DCLK2: variants seen among roughly 807,000 people sequenced by gnomAD.
The protein encoded by DCLK2 is serine/threonine-protein kinase DCLK2.
In DCLK2, 31 loss-of-function variants were observed where a neutral mutation model predicts 78.4. That is an observed-to-expected ratio of 0.40 (90% confidence interval 0.30 to 0.53). The LOEUF (loss-of-function observed/expected upper bound fraction) is 0.53. DCLK2 is among the 20% of genes least tolerant of loss of function. The pLI, the probability that DCLK2 is intolerant of heterozygous loss-of-function variation, is 0.61. For missense variants in DCLK2, 872 were observed against 973.7 expected (o/e 0.90, Z 1.39); for synonymous variants, 407 against 374.9 (o/e 1.09, Z -0.99).
intron 2 of DCLK2, 144 bp from the exon 3 acceptor site, chr4:150,192,994 A>G: frequency 1.9e-6 from 1 of 530,158 alleles, no homozygotes. Context: ...GTGAAGGTAA[A>G]GTGCTTAGAA....
chr4:150,222,501 A>G (rs1447280740), intron 7 of DCLK2, among the ~76,000 whole-genome samples: 2 of 152,090 alleles, frequency 1.3e-5, no homozygotes, highest in Non-Finnish European at 2.9e-5. Context: ...TTAATACTTA[A>G]TGGAATATTC....
intron 10 of DCLK2, among the ~76,000 whole-genome samples, chr4:150,233,945 C>A (rs190155474): frequency 6.7e-4 from 102 of 152,296 alleles, no homozygotes; most frequent in African/African-American, 2.3e-3. Context: ...CCCAGCCCCC[C>A]ACAAACACAC....
chr4:150,093,951 C>T (rs932705662), intron 1 of DCLK2, among the ~76,000 whole-genome samples: 4 of 152,138 alleles, frequency 2.6e-5, no homozygotes, highest in African/African-American at 7.2e-5. Context: ...GCCAAGAATA[C>T]ACAATGGGGA....
chr4:150,119,281 A>G (rs537450818), intron 2 of DCLK2, among the ~76,000 whole-genome samples: 2 of 152,002 alleles, frequency 1.3e-5, no homozygotes, highest in Non-Finnish European at 2.9e-5. Flanking sequence ...GGGTGTTTTT[A>G]GTTTTTCCTT....
At chr4:150,235,428 T>G (rs1742421712) in intron 10 of DCLK2, among the ~76,000 whole-genome samples, 1 of 152,290 alleles carries the variant, frequency 6.6e-6, no homozygotes, top group East Asian at 1.9e-4. Flanking sequence ...AGTCTCAGAA[T>G]GCAATCAGGA....
At chr4:150,114,998 T>C (rs963924948) in intron 2 of DCLK2, among the ~76,000 whole-genome samples, 1 of 152,236 alleles carries the variant, frequency 6.6e-6, no homozygotes, top group Admixed American at 6.5e-5. Flanking sequence ...CCTTTTTGCT[T>C]TCTCTTCTCC....
At chr4:150,247,742 G>T (rs769637952) in intron 13 of DCLK2, 43 bp downstream of exon 13, 1 of 1,535,842 alleles carries the variant, frequency 6.5e-7, no homozygotes, top group Admixed American at 1.7e-5. Context: ...TACGTTGTGG[G>T]GTCCTCACCC....
chr4:150,091,909 C>T (rs548777221), intron 1 of DCLK2, among the ~76,000 whole-genome samples: 98 of 152,002 alleles, frequency 6.4e-4, no homozygotes, highest in Non-Finnish European at 1.1e-3. Context: ...AGCCGATCTC[C>T]AGAACTTTCT....
intron 7 of DCLK2, 50 bp from the exon 8 acceptor site, chr4:150,224,451 A>G (rs1375821280): frequency 6.9e-7 from 1 of 1,443,764 alleles, no homozygotes; most frequent in Non-Finnish European, 9.5e-7. Flanking sequence ...AACAGGAATG[A>G]TGGTATTTAA....
chr4:150,175,974 G>A (rs1737061528), intron 2 of DCLK2, among the ~76,000 whole-genome samples: 1 of 152,200 alleles, frequency 6.6e-6, no homozygotes, highest in Admixed American at 6.5e-5. Context: ...GTAAGCCAGA[G>A]TATCTTTAAA....
At chr4:150,176,067 G>A (rs1488582178) in intron 2 of DCLK2, among the ~76,000 whole-genome samples, 1 of 152,154 alleles carries the variant, frequency 6.6e-6, no homozygotes, top group Admixed American at 6.5e-5. Context: ...ATTTATTTAC[G>A]TTTGGGATCC....
At chr4:150,141,783 T>G (rs1357341285) in intron 2 of DCLK2, among the ~76,000 whole-genome samples, 1 of 152,230 alleles carries the variant, frequency 6.6e-6, no homozygotes, top group Admixed American at 6.5e-5. Flanking sequence ...CTTTGAAAGA[T>G]GCCTTTGAAA....
At position 150,079,180 on chromosome 4, in the gene DCLK2, T is replaced by G; in HGVS notation, c.153T>G (p.Ser51Arg). The G allele has an allele frequency of 6.2e-7, 1 of 1,610,900 alleles. No individual in the cohort carries two copies. Among genetic ancestry groups the G allele is most frequent in the Non-Finnish European group, 8.5e-7 (1 of 1,178,614 alleles). The change falls in exon 1 of 16, where the codon AGT becomes AGG. Residue 51 changes from serine (S) to arginine (R), a missense_variant. Transcript: ENST00000296550. Reference sequence around the variant, plus strand: ...GGCTCATCCCCAGTCCGGCGCACAGTGCCCACTGCAGCTTCTACCGCACGC... The same window carrying G: ...GGCTCATCCCCAGTCCGGCGCACAGGGCCCACTGCAGCTTCTACCGCACGC... ...GNGLIPSPAH[S>R]AHCSFYRTRT...
intron 2 of DCLK2, among the ~76,000 whole-genome samples, chr4:150,150,103 A>T (rs1734785177): frequency 6.6e-6 from 1 of 152,224 alleles, no homozygotes; most frequent in Non-Finnish European, 1.5e-5. Flanking sequence ...TGGGAAGTTT[A>T]ACTAAATGTG....
intron 2 of DCLK2, among the ~76,000 whole-genome samples, chr4:150,117,211 A>G (rs1028526243): frequency 5.9e-5 from 9 of 152,078 alleles, no homozygotes; most frequent in African/African-American, 2.2e-4. Context: ...GTGTAGAAGA[A>G]TCTGCCTGGG....
At chr4:150,156,786 TTTA>T (rs1425293693) in intron 2 of DCLK2, among the ~76,000 whole-genome samples, 23 of 146,676 alleles carry the variant, frequency 1.6e-4, no homozygotes, top group African/African-American at 5.8e-4. Context: ...TATTTATTTA[TTTA>T]TTTTTTGAGA....
At chr4:150,242,382 T>C (rs1032520917) in intron 12 of DCLK2, among the ~76,000 whole-genome samples, 1 of 152,240 alleles carries the variant, frequency 6.6e-6, no homozygotes, top group African/African-American at 2.4e-5. Context: ...GCCGTCAACA[T>C]CGTGGTCTTC....
At chr4:150,192,668 G>A (rs1276923512) in intron 2 of DCLK2, among the ~76,000 whole-genome samples, 17 of 152,080 alleles carry the variant, frequency 1.1e-4, no homozygotes, top group Admixed American at 9.8e-4. Context: ...GTTCCAAGCA[G>A]TTTTTATATA....
rs1490127515 is a variant in DCLK2, at chr4:150,256,821, T to C, written c.*574T>C. ...GCGCCTGAGAGGACAATTTGGTCATTGGACACGGATTGCAGGCTTTGAGAA... is the reference window on the plus strand; with the variant it reads ...GCGCCTGAGAGGACAATTTGGTCATCGGACACGGATTGCAGGCTTTGAGAA... On this transcript the variant is annotated 3_prime_UTR_variant, in exon 16 of 16. Transcript: ENST00000296550. 1 of 152,378 alleles carries C rather than the reference T, an allele frequency of 6.6e-6. No individual in the cohort carries two copies. Among genetic ancestry groups the C allele is most frequent in the Non-Finnish European group, 1.5e-5 (1 of 68,184 alleles). 9.4% of individuals were successfully genotyped at this position (152,378 alleles called of 1,614,324 possible).
Sources: allele counts gnomAD v4.1 joint callset (sites outside exome capture counted in the v4.1 genomes callset), GRCh38; gene constraint gnomAD v4.1.1; transcripts MANE v1.5; gene names NCBI Gene and HGNC (gene_info 2026-07-23, HGNC 2026-07-21).